The following CWC27 variants were observed in gnomAD, a reference collection of about 807,000 sequenced individuals.
CWC27 encodes spliceosome-associated protein CWC27 homolog.
A neutral mutation model predicts 63.6 loss-of-function variants in CWC27; 47 were observed. The ratio of observed to expected loss-of-function variants is 0.74; its 90% confidence interval spans 0.58 to 0.94. The LOEUF (loss-of-function observed/expected upper bound fraction) is 0.94, where lower values mean the gene tolerates loss of function less well. Ranked by LOEUF, CWC27 falls within the 40% of genes least tolerant of loss-of-function variation. CWC27 has a pLI of 0.00. For missense variants in CWC27, 495 were observed against 554.3 expected (o/e 0.89, Z 1.07); for synonymous variants, 175 against 179.8 (o/e 0.97, Z 0.22).
chr5:65,004,861 CATATATATATAT>C (rs1170127729), intron 13 of CWC27, among the ~76,000 whole-genome samples: 1,798 of 45,500 alleles, frequency 0.04, 61 homozygotes, highest in African/African-American at 0.078. Flanking sequence ...AAGACTTTTT[CATATATATATAT>C]ATATATATAT....
intron 11 of CWC27, among the ~76,000 whole-genome samples, chr5:64,954,282 T>C (rs1315932147): frequency 6.6e-6 from 1 of 152,048 alleles, no homozygotes; most frequent in Non-Finnish European, 1.5e-5. Flanking sequence ...ACTTCCCTGA[T>C]TTATTGTTCC....
intron 11 of CWC27, among the ~76,000 whole-genome samples, chr5:64,925,468 A>G (rs1748087117): frequency 6.6e-6 from 1 of 152,200 alleles, no homozygotes; most frequent in South Asian, 2.1e-4. Flanking sequence ...CCTTAGTCCT[A>G]GAGGTCTCAA....
chr5:64,804,231 TG>T lies in CWC27; in HGVS notation c.785del (p.Gly262GlufsTer19). On this transcript the variant is annotated frameshift_variant, in exon 10 of 14. Coordinates refer to ENST00000381070, the MANE Select transcript of CWC27 (RefSeq NM_005869.4). LOFTEE classifies it high-confidence loss of function. ...ATACTCATTTTCCATTTCTACAGGA[TG>T]GAGAAGATGAAAGTGCAGAGCATGA... ...KGDAPDLVDD[G>X]EDESAEHDEY... 1 of 1,601,310 alleles carries T rather than the reference TG, an allele frequency of 6.2e-7. No homozygotes were observed. The highest frequency in any genetic ancestry group is 8.5e-7 in the Non-Finnish European group (1 of 1,173,358).
chr5:64,802,507 C>T (rs1318880637), intron 9 of CWC27, among the ~76,000 whole-genome samples: 1 of 151,944 alleles, frequency 6.6e-6, no homozygotes, highest in Non-Finnish European at 1.5e-5. Flanking sequence ...TCACTATTGG[C>T]GATATTATAG....
chr5:64,948,397 A>G (rs543691160), intron 11 of CWC27, among the ~76,000 whole-genome samples: 1 of 152,044 alleles, frequency 6.6e-6, no homozygotes, highest in South Asian at 2.1e-4. Flanking sequence ...TCAATTTTTT[A>G]TGGCTCAACC....
At chr5:64,797,510 G>T (rs757655328) in intron 7 of CWC27, among the ~76,000 whole-genome samples, 1 of 152,048 alleles carries the variant, frequency 6.6e-6, no homozygotes, top group Non-Finnish European at 1.5e-5. Context: ...ATTTGAAATG[G>T]TAATGATTAT....
At chr5:64,901,894 C>T (rs974933449) in intron 11 of CWC27, among the ~76,000 whole-genome samples, 2 of 152,070 alleles carry the variant, frequency 1.3e-5, no homozygotes, top group African/African-American at 4.8e-5. Flanking sequence ...GACAAAATCA[C>T]ACAAAAGCCT....
rs544089299 is a variant in CWC27, at chr5:64,780,622, T to G, written c.140-1299T>G. Among the ~76,000 whole-genome samples the G allele has an allele frequency of 7.0e-4, 104 of 148,254 alleles. 2 individuals are homozygous for G. The South Asian group carries it at 0.01, about 15-fold the overall frequency. On this transcript the variant is annotated intron_variant, in intron 2 of 13. Coordinates refer to ENST00000381070, the MANE Select transcript of CWC27 (RefSeq NM_005869.4). The stretch of plus-strand genomic sequence containing the variant: ...TATATTATATATTATTTATGTGAAC[T>G]ATATATATTTACACTTATAAATTAT...
intron 10 of CWC27, among the ~76,000 whole-genome samples, chr5:64,853,878 AT>A (rs1171056303): frequency 6.6e-6 from 1 of 152,226 alleles, no homozygotes; most frequent in Non-Finnish European, 1.5e-5. Context: ...AAGTTAAGTC[AT>A]GTTAGGTATA....
chr5:65,012,184 T>C (rs548694706), intron 13 of CWC27, among the ~76,000 whole-genome samples: 107 of 152,332 alleles, frequency 7.0e-4, no homozygotes, highest in Admixed American at 2.2e-3. Flanking sequence ...AGCACTGAAT[T>C]GACTTTTGAT....
intron 10 of CWC27, among the ~76,000 whole-genome samples, chr5:64,850,485 G>C (rs1396916334): frequency 4.6e-5 from 7 of 152,048 alleles, no homozygotes; most frequent in Admixed American, 2.0e-4. Context: ...AGAAAACATA[G>C]GGGGAAAATG....
chr5:64,792,101 A>C (rs1020760080), intron 7 of CWC27, among the ~76,000 whole-genome samples: 2 of 152,136 alleles, frequency 1.3e-5, no homozygotes, highest in African/African-American at 4.8e-5. Context: ...TATAGAAATA[A>C]GGCCAAATTT....
At chr5:64,898,578 C>T (rs1363358594) in intron 11 of CWC27, among the ~76,000 whole-genome samples, 3 of 151,644 alleles carry the variant, frequency 2.0e-5, no homozygotes, top group African/African-American at 7.3e-5. Context: ...CTAGTTGCTA[C>T]GTACAAGGAG....
At chr5:64,811,236 A>G (rs1389911095) in intron 10 of CWC27, among the ~76,000 whole-genome samples, 1 of 152,088 alleles carries the variant, frequency 6.6e-6, no homozygotes, top group African/African-American at 2.4e-5. Flanking sequence ...GGTGGAGCTC[A>G]GCTACTGCAA....
intron 10 of CWC27, among the ~76,000 whole-genome samples, chr5:64,830,666 C>G (rs1745494496): frequency 6.6e-6 from 1 of 152,072 alleles, no homozygotes; most frequent in African/African-American, 2.4e-5. Flanking sequence ...AAAATTTTTA[C>G]AATCTACCCA....
chr5:64,904,076 G>T (rs1467326409), intron 11 of CWC27, among the ~76,000 whole-genome samples: 2 of 152,184 alleles, frequency 1.3e-5, no homozygotes, highest in African/African-American at 4.8e-5. Flanking sequence ...TTCATGAGCA[G>T]TCTCCTCAAA....
intron 10 of CWC27, among the ~76,000 whole-genome samples, chr5:64,822,565 T>A (rs974449832): frequency 2.4e-4 from 37 of 152,156 alleles, no homozygotes; most frequent in African/African-American, 8.2e-4. Flanking sequence ...AATAATCTAT[T>A]GTGACCAGAG....
At chr5:64,776,836 A>G (rs1468814320) in intron 2 of CWC27, among the ~76,000 whole-genome samples, 2 of 152,150 alleles carry the variant, frequency 1.3e-5, no homozygotes, top group African/African-American at 2.4e-5. Context: ...GTAAGAGCGC[A>G]GTCTCAGATA....
intron 13 of CWC27, among the ~76,000 whole-genome samples, chr5:64,982,415 C>G (rs1295214611): frequency 6.6e-6 from 1 of 151,946 alleles, no homozygotes; most frequent in Non-Finnish European, 1.5e-5. Context: ...CCTCAAAGTT[C>G]CAGGCTCAAG....
Sources: gnomAD v4.1 joint callset for allele counts (sites outside exome capture counted in the v4.1 genomes callset) on GRCh38, gnomAD v4.1.1 for gene constraint, MANE v1.5 for transcripts, NCBI Gene and HGNC (gene_info 2026-07-23, HGNC 2026-07-21) for gene names.